The following TLL1 variants were observed in gnomAD, a reference collection of about 807,000 sequenced individuals.
TLL1 encodes the protein tolloid-like protein 1.
In TLL1, 49 loss-of-function variants were observed where a neutral mutation model predicts 128.2. That is an observed-to-expected ratio of 0.38 (90% confidence interval 0.30 to 0.48). TLL1 has a LOEUF of 0.48. Ranked by LOEUF, TLL1 falls within the 20% of genes least tolerant of loss-of-function variation. The probability of loss-of-function intolerance (pLI) is 0.96; values close to 1 mark genes in which losing one functional copy is unlikely to be tolerated. For synonymous variants in TLL1, 454 were observed against 418.8 expected (o/e 1.08, Z -1.03); for missense variants, 1,123 against 1,242.0 (o/e 0.90, Z 1.44).
At position 165,958,062 on chromosome 4, in the gene TLL1, A is replaced by C. The variant is rs1734897498; in HGVS notation, c.170-31319A>C. ...AGCTCATCATTTTTTATGGCTGCAT[A>C]GTATTCCATGGTGTATATGTGCCAC... On this transcript the variant is annotated intron_variant, in intron 1 of 20. Transcript: ENST00000061240. 2.7e-5 allele frequency among the ~76,000 whole-genome samples: 4 copies of C among 150,176 alleles called. 1 individual carries two copies. Among genetic ancestry groups the C allele is most frequent in the East Asian group, 2.0e-4 (1 of 5,076 alleles).
At chr4:166,096,846 G>A (rs781004168) in intron 19 of TLL1, among the ~76,000 whole-genome samples, 1 of 151,942 alleles carries the variant, frequency 6.6e-6, no homozygotes, top group Non-Finnish European at 1.5e-5. Context: ...TATTTTACTG[G>A]CCTTCAAAAA....
At chr4:165,933,656 G>A (rs1579506085) in intron 1 of TLL1, among the ~76,000 whole-genome samples, 1 of 152,124 alleles carries the variant, frequency 6.6e-6, no homozygotes, top group Non-Finnish European at 1.5e-5. Flanking sequence ...ATTGAGGAGG[G>A]CCTGGGAGTG....
rs1180506380 is a variant in TLL1 at position 166,104,286 on chromosome 4, A to G, written c.*3410A>G. Among the ~76,000 whole-genome samples the G allele has an allele frequency of 2.6e-5, 4 of 151,938 alleles. No individual in the cohort carries two copies. The East Asian group carries it at 5.8e-4, about 22-fold the overall frequency. On this transcript the variant is annotated 3_prime_UTR_variant, in exon 21 of 21. Coordinates refer to ENST00000061240, the MANE Select transcript of TLL1 (RefSeq NM_012464.5). Reference sequence around the variant, plus strand: ...AAATTATATCTTTATGTAGATTTAGAAGGACTGCAACCCTATGTGACATTA... The same window carrying G: ...AAATTATATCTTTATGTAGATTTAGGAGGACTGCAACCCTATGTGACATTA...
rs773748651 is a variant in TLL1, at chr4:166,025,358, C to G, written c.1085C>G (p.Ser362Cys). 1.2e-6 allele frequency: 2 copies of G among 1,613,976 alleles called. No homozygotes were observed. The highest frequency in any genetic ancestry group is 2.2e-5 in the South Asian group (2 of 91,078). ...CAAGAATCCAATGGCAACCTTTCCT[C>G]TCCAGGATTTCCCAATGGCTACCCT... is the stretch of plus-strand genomic sequence containing the variant. ...TLQESNGNLS[S>C]PGFPNGYPSY... The change falls in exon 9 of 21, where the codon TCT becomes TGT. Residue 362 changes from serine to cysteine, a missense_variant. Around this residue, in one of 3 missense-constraint regions of TLL1, gnomAD observed 480 missense variants for 542.4 expected, o/e 0.89. Coordinates refer to ENST00000061240, the MANE Select transcript of TLL1 (RefSeq NM_012464.5).
Position 165,974,330 on chromosome 4 carries a change from C to T in TLL1, c.170-15051C>T, listed in dbSNP as rs577099892. 7.5e-5 allele frequency among the ~76,000 whole-genome samples: 10 copies of T among 133,126 alleles called. 1 individual carries two copies. The East Asian group carries it at 1.6e-3, about 21-fold the overall frequency. The allele number at this position is 133,126 out of a possible 152,430, so 87.3% of individuals were successfully genotyped here. Reference sequence around the variant, plus strand: ...TAATTTTTTGTATTTTTCATAGAGACGGGGTTTCACCGTTTTAGCCGGGAT... The same window carrying T: ...TAATTTTTTGTATTTTTCATAGAGATGGGGTTTCACCGTTTTAGCCGGGAT... On this transcript the variant is annotated intron_variant, in intron 1 of 20. Coordinates refer to ENST00000061240, the MANE Select transcript of TLL1 (RefSeq NM_012464.5).
intron 8 of TLL1, among the ~76,000 whole-genome samples, chr4:166,015,058 A>G (rs912470960): frequency 6.6e-6 from 1 of 151,930 alleles, no homozygotes; most frequent in Non-Finnish European, 1.5e-5. Context: ...CAAGTGAACT[A>G]CTCTATGTTT....
At position 166,077,857 on chromosome 4, in the gene TLL1, C is replaced by T. The variant is rs1263713763; in HGVS notation, c.2315-46C>T. ...AGGCTGCTTGCTTTCTGCCTCAAACCTGGGCTGGATTGCCACACTGTCTGA... is the reference window on the plus strand; with the variant it reads ...AGGCTGCTTGCTTTCTGCCTCAAACTTGGGCTGGATTGCCACACTGTCTGA... On this transcript the variant is annotated intron_variant, in intron 17 of 20. Transcript: ENST00000061240. 3.1e-6 allele frequency: 5 copies of T among 1,610,858 alleles called. No individual in the cohort carries two copies. In the African/African-American group the frequency reaches 5.3e-5, roughly 17 times the overall value.
chr4:166,014,574 C>T lies in TLL1; in HGVS notation c.1042+14C>T, dbSNP rs558103162. The T allele has an allele frequency of 1.4e-5, 22 of 1,610,880 alleles. No homozygotes were observed. The South Asian group carries it at 2.4e-4, about 18-fold the overall frequency. On this transcript the variant is annotated intron_variant, in intron 8 of 20. Transcript: ENST00000061240. Reference sequence around the variant, plus strand: ...ATAGATGTCCAGGTATTGCACTACACAAACACAAGAGCATGACTGTACTTG... The same window carrying T: ...ATAGATGTCCAGGTATTGCACTACATAAACACAAGAGCATGACTGTACTTG...
intron 9 of TLL1, among the ~76,000 whole-genome samples, chr4:166,037,148 A>G (rs1295786699): frequency 1.3e-5 from 2 of 152,174 alleles, no homozygotes; most frequent in East Asian, 3.9e-4. Flanking sequence ...GCAAAATGAA[A>G]CATAGTATCA....
rs570409741 is a variant in TLL1 at position 166,074,954 on chromosome 4, A to T, written c.2265A>T (p.Gln755His). ...CVNTMGSYMC[Q>H]CRNGFVLHDN... is the part of the protein sequence containing the mutation. ...ACACGATGGGGAGCTACATGTGTCA[A>T]TGCCGTAATGGATTTGTGCTACATG... Residue 755 changes from glutamine (Q) to histidine (H), a missense_variant, in exon 17 of 21, where the codon CAA becomes CAT. Transcript: ENST00000061240. The T allele has an allele frequency of 1.9e-6, 3 of 1,613,610 alleles. No individual in the cohort carries two copies. Among genetic ancestry groups the T allele is most frequent in the Non-Finnish European group, 2.5e-6 (3 of 1,179,694 alleles).
intron 1 of TLL1, among the ~76,000 whole-genome samples, chr4:165,960,096 T>C (rs749786621): frequency 6.6e-6 from 1 of 151,998 alleles, no homozygotes; most frequent in African/African-American, 2.4e-5. Context: ...ACTAGTTAGA[T>C]TAACAAATAG....
Position 166,092,387 on chromosome 4 carries a change from T to C in TLL1, c.2656+1046T>C, listed in dbSNP as rs146148215. 4.5e-3 allele frequency among the ~76,000 whole-genome samples: 690 copies of C among 152,186 alleles called. 3 individuals are homozygous for C. Among genetic ancestry groups the C allele is most frequent in the Non-Finnish European group, 6.6e-3 (450 of 67,970 alleles). ...ATACTAATCTGATTAATAATAGTAA[T>C]CATTGGTCTTCTATCAATAATGCAA... is the stretch of plus-strand genomic sequence containing the variant. On this transcript the variant is annotated intron_variant, in intron 19 of 20. Transcript: ENST00000061240.
chr4:166,026,294 C>A (rs1738487107), intron 9 of TLL1, among the ~76,000 whole-genome samples: 3 of 152,070 alleles, frequency 2.0e-5, no homozygotes, highest in Admixed American at 2.0e-4. Context: ...GGGGCTGAGG[C>A]AGGAGAATCA....
rs71787595 is a variant in TLL1 at position 166,060,256 on chromosome 4, T to TAA, written c.2007+79_2007+80dup. 3.7e-3 allele frequency: 4,852 copies of TAA among 1,316,742 alleles called. 12 individuals carry two copies. Among genetic ancestry groups the TAA allele is most frequent in the African/African-American group, 0.027 (1,769 of 65,430 alleles). 81.6% of individuals were successfully genotyped at this position (1,316,742 alleles called of 1,614,324 possible). On this transcript the variant is annotated intron_variant, in intron 15 of 20. Coordinates refer to ENST00000061240, the MANE Select transcript of TLL1 (RefSeq NM_012464.5). The stretch of plus-strand genomic sequence containing the variant: ...ACTCCCTGAAGGCAAACTGTGAAAT[T>TAA]AAAAAAAAAAAAGATGTAGTAAAAT...
At chr4:165,986,851 A>T (rs1001683052) in intron 1 of TLL1, among the ~76,000 whole-genome samples, 4 of 152,090 alleles carry the variant, frequency 2.6e-5, no homozygotes, top group Non-Finnish European at 4.4e-5. Context: ...ATTTTATTTT[A>T]TGTGTACTGC....
At chr4:165,916,991 C>T (rs544485090) in intron 1 of TLL1, among the ~76,000 whole-genome samples, 2 of 152,016 alleles carry the variant, frequency 1.3e-5, no homozygotes, top group Non-Finnish European at 2.9e-5. Flanking sequence ...AACATTGAGG[C>T]AATTTTTGTG....
At chr4:166,043,773 G>A (rs1371715834) in intron 12 of TLL1, among the ~76,000 whole-genome samples, 1 of 150,792 alleles carries the variant, frequency 6.6e-6, no homozygotes, top group Non-Finnish European at 1.5e-5. Flanking sequence ...AGATTAAAAG[G>A]TAGAAAGTCT....
At chr4:165,876,098 C>A (rs191312326) in intron 1 of TLL1, among the ~76,000 whole-genome samples, 45 of 152,260 alleles carry the variant, frequency 3.0e-4, no homozygotes, top group Non-Finnish European at 5.0e-4. Context: ...CACACGCATG[C>A]ATGTGTGTGT....
intron 8 of TLL1, among the ~76,000 whole-genome samples, chr4:166,019,031 A>G (rs1227156582): frequency 1.3e-5 from 2 of 152,238 alleles, no homozygotes; most frequent in African/African-American, 4.8e-5. Context: ...ACTATTTCCA[A>G]TAGCAAAGGC....
Sources: allele counts gnomAD v4.1 joint callset (sites outside exome capture counted in the v4.1 genomes callset), GRCh38; gene constraint gnomAD v4.1.1; regional missense constraint gnomAD v4.1.1; transcripts MANE v1.5; gene names NCBI Gene and HGNC (gene_info 2026-07-23, HGNC 2026-07-21).